CHD6: variants seen among roughly 807,000 people sequenced by gnomAD.
CHD6 encodes chromodomain helicase DNA binding protein 6.
Under a neutral mutation model 276.9 loss-of-function variants are expected in CHD6, and 50 were observed. That is an observed-to-expected ratio of 0.18 (90% confidence interval 0.14 to 0.23). The LOEUF (loss-of-function observed/expected upper bound fraction) is 0.23, where lower values mean the gene tolerates loss of function less well. Ranked by LOEUF, CHD6 falls within the 10% of genes least tolerant of loss-of-function variation. The pLI is 1.00. For missense variants in CHD6, 2,564 were observed against 3,365.8 expected (o/e 0.76, Z 5.89); for synonymous variants, 1,173 against 1,229.3 (o/e 0.95, Z 0.96).
rs560645840 is a variant in CHD6, at chr20:41,431,214, C to T, written c.4069-5061G>A. Among the ~76,000 whole-genome samples the T allele has an allele frequency of 6.6e-5, 10 of 152,310 alleles. No individual in the cohort carries two copies. The South Asian group carries it at 1.2e-3, about 19-fold the overall frequency. ...TCTGAGGCTTCATGCTGATTTGCTTCAATCCACTGCTTCTCAAACCTTGAG... is the reference window on the plus strand; with the variant it reads ...TCTGAGGCTTCATGCTGATTTGCTTTAATCCACTGCTTCTCAAACCTTGAG... On this transcript the variant is annotated intron_variant, in intron 27 of 36. Coordinates refer to ENST00000373233, the MANE Select transcript of CHD6 (RefSeq NM_032221.5).
At chr20:41,574,905 G>C (rs978903535) in intron 1 of CHD6, among the ~76,000 whole-genome samples, 1 of 152,166 alleles carries the variant, frequency 6.6e-6, no homozygotes, top group Admixed American at 6.5e-5. Flanking sequence ...CAAAAGGATC[G>C]AAGGCTACAC....
intron 17 of CHD6, among the ~76,000 whole-genome samples, chr20:41,466,342 TAAC>T (rs1209494436): frequency 6.6e-6 from 1 of 152,202 alleles, no homozygotes; most frequent in Admixed American, 6.5e-5. Context: ...TTTCCCCGCT[TAAC>T]AATATATCCA....
At chr20:41,487,526 A>G in intron 14 of CHD6, 139 bp downstream of exon 14, 1 of 827,860 alleles carries the variant, frequency 1.2e-6, no homozygotes, top group Non-Finnish European at 1.9e-6. Context: ...ACATACACAA[A>G]CACATAAAAT....
At position 41,420,710 on chromosome 20, in the gene CHD6, G is replaced by T; in HGVS notation, c.5925C>A (p.Ile1975=). ...PDLFKSKTNT[I]AMEGEPTAIP... The stretch of plus-strand genomic sequence containing the variant: ...TAGCAGTGGGTTCACCCTCCATGGC[G>T]ATAGTATTGGTTTTACTTTTGAACA... The change falls in exon 31 of 37, where the codon ATC becomes ATA. Residue 1975 remains isoleucine (I), a synonymous_variant. Coordinates refer to ENST00000373233, the MANE Select transcript of CHD6 (RefSeq NM_032221.5). 1 of 1,614,196 alleles carries T rather than the reference G, an allele frequency of 6.2e-7. No individual in the cohort carries two copies. The highest frequency in any genetic ancestry group is 8.5e-7 in the Non-Finnish European group (1 of 1,180,022).
In CHD6 at chr20:41,491,573, A is replaced by C. The variant is rs921887824; in HGVS notation, c.1436+125T>G. On this transcript the variant is annotated intron_variant, in intron 11 of 36. Transcript: ENST00000373233. ...CTTGGATGATTAATGTGCAAAGACT[A>C]CCACCCTAAATTGATGGCCATGCTG... 5 of 1,009,762 alleles carry C rather than the reference A, an allele frequency of 5.0e-6. No homozygotes were observed. The Admixed American group carries it at 8.1e-5, about 16-fold the overall frequency. 62.6% of individuals were successfully genotyped at this position (1,009,762 alleles called of 1,614,324 possible). A position where few individuals can be genotyped will look rare whatever the true frequency, so the allele number is the denominator to read the frequency against.
At chr20:41,489,534 C>A (rs959211691) in intron 12 of CHD6, among the ~76,000 whole-genome samples, 6 of 152,146 alleles carry the variant, frequency 3.9e-5, no homozygotes, top group Admixed American at 2.0e-4. Context: ...ATAAGTAAGT[C>A]AAACTTTCAG....
intron 24 of CHD6, among the ~76,000 whole-genome samples, chr20:41,447,170 A>G (rs552920343): frequency 1.3e-5 from 2 of 152,318 alleles, no homozygotes; most frequent in South Asian, 4.1e-4. Flanking sequence ...CTCTACAGAC[A>G]CTAGCATTGC....
intron 2 of CHD6, among the ~76,000 whole-genome samples, 173 bp from the exon 3 acceptor site, chr20:41,533,743 G>A (rs920884492): frequency 2.0e-5 from 3 of 152,036 alleles, no homozygotes; most frequent in African/African-American, 7.2e-5. Flanking sequence ...GGACATACAC[G>A]GCCTTTACAC....
At chr20:41,495,026 C>G (rs1160704249) in intron 8 of CHD6, among the ~76,000 whole-genome samples, 1 of 140,410 alleles carries the variant, frequency 7.1e-6, no homozygotes, top group African/African-American at 3.0e-5. Flanking sequence ...CTTCAGCAAT[C>G]CCCTCCCTAT....
At chr20:41,445,806 A>C in intron 24 of CHD6, 38 bp from the exon 25 acceptor site, 1 of 1,351,664 alleles carries the variant, frequency 7.4e-7, no homozygotes. Context: ...ACAACACAAA[A>C]GCTACTGGTC....
intron 27 of CHD6, among the ~76,000 whole-genome samples, chr20:41,434,101 A>G (rs2047627703): frequency 6.6e-6 from 1 of 152,236 alleles, no homozygotes; most frequent in Non-Finnish European, 1.5e-5. Flanking sequence ...AATGGTCTGA[A>G]TAATATCAAC....
chr20:41,464,439 A>G (rs6102425), intron 17 of CHD6, among the ~76,000 whole-genome samples: 6,800 of 152,308 alleles, frequency 0.045, 529 homozygotes, highest in African/African-American at 0.16. Flanking sequence ...TAGCAATTCT[A>G]AAACTACTTG....
At chr20:41,527,552 G>A (rs2044572773) in intron 3 of CHD6, among the ~76,000 whole-genome samples, 1 of 152,182 alleles carries the variant, frequency 6.6e-6, no homozygotes, top group African/African-American at 2.4e-5. Context: ...AAAAGAATCA[G>A]AAGGCTTCAT....
At chr20:41,457,998 A>AATAT (rs2145697721) in intron 17 of CHD6, among the ~76,000 whole-genome samples, 1 of 152,294 alleles carries the variant, frequency 6.6e-6, no homozygotes, top group Non-Finnish European at 1.5e-5. Flanking sequence ...ACTCTTGTAA[A>AATAT]ATATATATTA....
intron 2 of CHD6, among the ~76,000 whole-genome samples, chr20:41,533,790 A>G (rs2044752692): frequency 6.6e-6 from 1 of 152,182 alleles, no homozygotes; most frequent in Non-Finnish European, 1.5e-5. Context: ...AGCATACTAA[A>G]TCAGGATCAT....
At chr20:41,527,757 A>G (rs2044578693) in intron 3 of CHD6, among the ~76,000 whole-genome samples, 1 of 152,196 alleles carries the variant, frequency 6.6e-6, no homozygotes, top group African/African-American at 2.4e-5. Flanking sequence ...TTTGTCCCCC[A>G]AAATTCCTGT....
At chr20:41,584,027 T>G (rs1276914063) in intron 1 of CHD6, among the ~76,000 whole-genome samples, 1 of 152,098 alleles carries the variant, frequency 6.6e-6, no homozygotes, top group Admixed American at 6.5e-5. Context: ...ATATTAATAA[T>G]TATGTTAAAT....
chr20:41,413,296 A>C (rs761511425), intron 35 of CHD6, 28 bp downstream of exon 35: 1 of 1,520,192 alleles, frequency 6.6e-7, no homozygotes, highest in Non-Finnish European at 8.9e-7. Context: ...GTAAACAGTG[A>C]TCTCAGGCAG....
chr20:41,460,916 G>C (rs2048527078), intron 17 of CHD6, among the ~76,000 whole-genome samples: 1 of 152,180 alleles, frequency 6.6e-6, no homozygotes, highest in Admixed American at 6.5e-5. Flanking sequence ...CTCAATGCCA[G>C]CCCAAGAAAG....
Sources: gnomAD v4.1 joint callset for allele counts (sites outside exome capture counted in the v4.1 genomes callset) on GRCh38, gnomAD v4.1.1 for gene constraint, MANE v1.5 for transcripts, NCBI Gene and HGNC (gene_info 2026-07-23, HGNC 2026-07-21) for gene names.